SH2D3C: variants seen among roughly 807,000 people sequenced by gnomAD.
SH2D3C encodes the protein SH2 domain containing 3C.
Under a neutral mutation model 75.2 loss-of-function variants are expected in SH2D3C, and 25 were observed. That is an observed-to-expected ratio of 0.33 (90% CI 0.24 to 0.46). The LOEUF is 0.46. SH2D3C is among the 20% of genes least tolerant of loss of function. The pLI is 1.00. For synonymous variants in SH2D3C, 450 were observed against 473.7 expected, an observed-to-expected ratio of 0.95 and a Z score of 0.65; for missense variants, 933 against 1,165.3, an observed-to-expected ratio of 0.80 and a Z score of 2.90.
rs764245494 is a variant in SH2D3C at position 127,749,289 on chromosome 9, T to C, written c.1061A>G (p.His354Arg). 2 of 1,608,996 alleles carry C rather than the reference T, an allele frequency of 1.2e-6. No homozygotes were observed. The highest frequency in any genetic ancestry group is 4.5e-5 in the East Asian group (2 of 44,780). Residue 354 changes from histidine to arginine, a missense_variant, in exon 5 of 12, where the codon CAC becomes CGC. Physicochemically the swap from His to Arg is conservative, Grantham distance 29. Coordinates refer to ENST00000314830, the MANE Select transcript of SH2D3C (RefSeq NM_170600.3). The surrounding 1 kb of genome is among the most constrained non-coding windows in gnomAD (Gnocchi z 5.9). ...PVSPSGPKGS[H>R]MKRRSVTMTD... Reference sequence around the variant, plus strand: ...CATGGTGACGCTGCGCCGCTTCATGTGGCTGCCCTTGGGGCCTGAGGGGCT... The same window carrying C: ...CATGGTGACGCTGCGCCGCTTCATGCGGCTGCCCTTGGGGCCTGAGGGGCT...
chr9:127,739,178 T>A lies in SH2D3C; in HGVS notation c.2408-257A>T, dbSNP rs916581834. The stretch of plus-strand genomic sequence containing the variant: ...TGGTGATTTTTTTTCTTTTTTCGTA[T>A]TTTTCTGTTAAGTTCCAAATTATTT... On this transcript the variant is annotated intron_variant, in intron 11 of 11. Coordinates refer to ENST00000314830, the MANE Select transcript of SH2D3C (RefSeq NM_170600.3). The surrounding 1 kb of genome is among the most constrained non-coding windows in gnomAD (Gnocchi z 4.3). Among the ~76,000 whole-genome samples the A allele has an allele frequency of 6.6e-6, 1 of 152,140 alleles. No homozygotes were observed. Among genetic ancestry groups the A allele is most frequent in the Non-Finnish European group, 1.5e-5 (1 of 68,026 alleles).
chr9:127,755,021 C>A (rs1039594554), intron 3 of SH2D3C: 33 of 860,968 alleles, frequency 3.8e-5, no homozygotes, highest in East Asian at 2.5e-4. Context: ...GGGCCCCGGG[C>A]GGAGCGGCCG....
intron 6 of SH2D3C, among the ~76,000 whole-genome samples, chr9:127,746,281 C>T (rs906790463): frequency 2.0e-5 from 3 of 152,192 alleles, no homozygotes; most frequent in African/African-American, 7.2e-5. Flanking sequence ...TGGAATGCCA[C>T]CCTAGGCGAA....
chr9:127,767,438 T>G (rs1845656115), intron 2 of SH2D3C: 2 of 417,954 alleles, frequency 4.8e-6, no homozygotes, highest in Middle Eastern at 1.2e-3. Flanking sequence ...TCTAATTCCC[T>G]GCTCTGTTCC....
chr9:127,744,483 G>A lies in SH2D3C; in HGVS notation c.1800+81C>T, dbSNP rs1441995432. The A allele has an allele frequency of 3.3e-6, 5 of 1,496,424 alleles. No homozygotes were observed. In the South Asian group the frequency reaches 3.9e-5, roughly 12 times the overall value. The allele number at this position is 1,496,424 out of a possible 1,614,324, so 92.7% of individuals were successfully genotyped here. A position where few individuals can be genotyped will look rare whatever the true frequency, so the allele number is the denominator to read the frequency against. On this transcript the variant is annotated intron_variant, in intron 7 of 11. Transcript: ENST00000314830. ...TCCAGGCCCACCTGCTGTACTTGGG[G>A]AATCTGGGAGCCAGCTTCTCACTGC...
At chr9:127,772,440 C>A (rs1191817501) in intron 2 of SH2D3C, among the ~76,000 whole-genome samples, 1 of 152,094 alleles carries the variant, frequency 6.6e-6, no homozygotes, top group Non-Finnish European at 1.5e-5. Context: ...GATAGGGCTT[C>A]ACCATGTTGG....
At chr9:127,741,345 AT>A (rs1196223439) in intron 9 of SH2D3C, among the ~76,000 whole-genome samples, 1 of 149,652 alleles carries the variant, frequency 6.7e-6, no homozygotes, top group African/African-American at 2.5e-5. Context: ...GGTTCAAGCG[AT>A]TCTCCTGCCT....
Position 127,744,958 on chromosome 9 carries a change from G to A in SH2D3C, c.1406C>T (p.Thr469Ile). ...THGESDKGPH[T>I]SPSHTLGKAS... ...CTTGCCAAGGGTGTGGGAGGGGCTG[G>A]TGTGGGGGCCCTTGTCTGACTCCCC... The change falls in exon 7 of 12, where the codon ACC (threonine) becomes ATC (isoleucine). Residue 469 changes from threonine to isoleucine, a missense_variant. Thr to Ile is a moderately conservative substitution (Grantham distance 89). Coordinates refer to ENST00000314830, the MANE Select transcript of SH2D3C (RefSeq NM_170600.3). 1 of 1,562,418 alleles carries A rather than the reference G, an allele frequency of 6.4e-7. No individual in the cohort carries two copies. The highest frequency in any genetic ancestry group is 8.7e-7 in the Non-Finnish European group (1 of 1,152,402).
chr9:127,763,924 TTC>T (rs1374462386), intron 2 of SH2D3C, among the ~76,000 whole-genome samples: 1 of 152,156 alleles, frequency 6.6e-6, no homozygotes, highest in Non-Finnish European at 1.5e-5. Flanking sequence ...GGCTTTTGGG[TTC>T]TCTCTGTCCA....
In SH2D3C at chr9:127,739,672, CG is replaced by C. The variant is rs1844791482; in HGVS notation, c.2407+9del. On this transcript the variant is annotated intron_variant, in intron 11 of 11. Transcript: ENST00000314830. The surrounding 1 kb of genome is among the most constrained non-coding windows in gnomAD (Gnocchi z 4.3). Reference sequence around the variant, plus strand: ...CCTGCAAGCCCCCCAAGATGCCACCCGCCACTCACCCTGCAGCTTGACTTCA... The same window carrying C: ...CCTGCAAGCCCCCCAAGATGCCACCCCCACTCACCCTGCAGCTTGACTTCA... 12 of 1,592,004 alleles carry C rather than the reference CG, an allele frequency of 7.5e-6. No individual in the cohort carries two copies. The highest frequency in any genetic ancestry group is 1.0e-5 in the Non-Finnish European group (12 of 1,165,568).
intron 2 of SH2D3C, among the ~76,000 whole-genome samples, chr9:127,769,992 A>T (rs1356536514): frequency 2.0e-5 from 3 of 152,126 alleles, no homozygotes; most frequent in Non-Finnish European, 2.9e-5. Flanking sequence ...CAGTGTGGGT[A>T]GGCGTGGGGT....
chr9:127,776,666 C>G (rs1339394214), intron 1 of SH2D3C, among the ~76,000 whole-genome samples: 4 of 152,242 alleles, frequency 2.6e-5, no homozygotes, highest in African/African-American at 9.6e-5. Context: ...CGCACCCGTG[C>G]TGGGATGCAG....
At position 127,761,618 on chromosome 9, in the gene SH2D3C, T is replaced by A. The variant is rs1845528575; in HGVS notation, c.548A>T (p.Tyr183Phe). The change falls in exon 3 of 12, where the codon TAT becomes TTT. Residue 183 changes from tyrosine to phenylalanine, a missense_variant. Transcript: ENST00000314830. ...CTGGCCAGCCCCTCCTACCTTCACA[T>A]AGTCGCTGCCAGCCTCTGGCTCTCC... is the stretch of plus-strand genomic sequence containing the variant. ...AAGEPEAGSD[Y>F]VKFSKEKYIL... 1 of 1,611,770 alleles carries A rather than the reference T, an allele frequency of 6.2e-7. No homozygotes were observed. Among genetic ancestry groups the A allele is most frequent in the Admixed American group, 1.7e-5 (1 of 59,808 alleles).
rs145932407 is a variant in SH2D3C at position 127,766,134 on chromosome 9, G to A, written c.516-4484C>T. Among the ~76,000 whole-genome samples the A allele has an allele frequency of 2.5e-3, 384 of 152,346 alleles. 8 individuals carry two copies. The East Asian group carries it at 0.056, about 22-fold the overall frequency. Reference sequence around the variant, plus strand: ...AGGGTGACGTTCCCCCAGGGGCCCTGTAGGAGAAGGGGTGGGGAGAGGCTG... The same window carrying A: ...AGGGTGACGTTCCCCCAGGGGCCCTATAGGAGAAGGGGTGGGGAGAGGCTG... On this transcript the variant is annotated intron_variant, in intron 2 of 11. Coordinates refer to ENST00000314830, the MANE Select transcript of SH2D3C (RefSeq NM_170600.3).
chr9:127,742,978 C>A lies in SH2D3C; in HGVS notation c.1801-14G>T, dbSNP rs867479645. On this transcript the variant is annotated splice_polypyrimidine_tract_variant and intron_variant, in intron 7 of 11. Coordinates refer to ENST00000314830, the MANE Select transcript of SH2D3C (RefSeq NM_170600.3). ...TATCCTAGCAACCTGCAAAGACGCC[C>A]AGAGGGCTGATTAATATCCTGTCAG... 1.3e-6 allele frequency: 2 copies of A among 1,596,402 alleles called. No homozygotes were observed. The highest frequency in any genetic ancestry group is 1.7e-4 in the Middle Eastern group (1 of 6,020).
intron 3 of SH2D3C, among the ~76,000 whole-genome samples, chr9:127,753,456 T>A (rs774987422): frequency 6.6e-6 from 1 of 152,042 alleles, no homozygotes. Context: ...TGGGGACAGA[T>A]GGTGGGAGTG....
At position 127,774,434 on chromosome 9, in the gene SH2D3C, G is replaced by C; in HGVS notation, c.71C>G (p.Ser24Cys). 6.2e-7 allele frequency: 1 copy of C among 1,606,084 alleles called. No homozygotes were observed. Among genetic ancestry groups the C allele is most frequent in the Non-Finnish European group, 8.5e-7 (1 of 1,172,846 alleles). The stretch of plus-strand genomic sequence containing the variant: ...CAGAGTGAAGGACCGAGGGAGGTTG[G>C]AGAGACTCCCAAAGCCCTTGAACTT... The part of the protein sequence containing the change: ...FFKFKGFGSL[S>C]NLPRSFTLRR... The change falls in exon 2 of 12, where the codon TCC (serine) becomes TGC (cysteine). Residue 24 changes from serine (S) to cysteine (C), a missense_variant. Ser to Cys is a moderately radical substitution (Grantham distance 112). Transcript: ENST00000314830. This position sits in a 1 kb window ranked among gnomAD's most constrained non-coding sequence, Gnocchi z 4.3.
chr9:127,755,313 G>T, intron 3 of SH2D3C: 1 of 951,942 alleles, frequency 1.1e-6, no homozygotes, highest in Non-Finnish European at 1.3e-6. Flanking sequence ...GGGAGGCGGG[G>T]CGGGGAGACC....
Position 127,773,992 on chromosome 9 carries a change from T to A in SH2D3C, c.513A>T (p.Glu171Asp), listed in dbSNP as rs759112889. 5.6e-6 allele frequency: 9 copies of A among 1,601,050 alleles called. No homozygotes were observed. Among genetic ancestry groups the A allele is most frequent in the Non-Finnish European group, 6.0e-6 (7 of 1,169,382 alleles). ...EERPPRDVHS[E>D]RAAGEPEAGS... ...CCAACCAGCCCCTGGGCACCTACCT[T>A]TCTGAGTGCACGTCCCTGGGAGGTC... is the stretch of plus-strand genomic sequence containing the variant. Residue 171 changes from glutamate (E) to aspartate (D), a missense_variant and splice_region_variant, in exon 2 of 12, where the codon GAA becomes GAT. By Grantham distance (45) the Glu-to-Asp change is conservative. Transcript: ENST00000314830.
Sources: allele counts gnomAD v4.1 joint callset (sites outside exome capture counted in the v4.1 genomes callset), GRCh38; gene constraint gnomAD v4.1.1; non-coding constraint Gnocchi (gnomAD v3.1); transcripts MANE v1.5; gene names NCBI Gene and HGNC (gene_info 2026-07-23, HGNC 2026-07-21).